Variants in DMTF1 observed in about 807,000 individuals in gnomAD.
DMTF1 encodes the protein cyclin D binding myb like transcription factor 1.
A neutral mutation model predicts 91.1 loss-of-function variants in DMTF1; 39 were observed. That is an observed-to-expected ratio of 0.43 (90% CI 0.33 to 0.56). DMTF1 has a LOEUF of 0.56. Among genes scored for constraint, DMTF1 ranks in the 20% least tolerant of loss-of-function variants. The pLI is 0.05. For missense variants in DMTF1, 750 were observed against 914.5 expected (o/e 0.82, Z 2.32); for synonymous variants, 338 against 309.5 (o/e 1.09, Z -0.97).
chr7:87,186,383 T>C (rs1798438529), intron 12 of DMTF1: 1 of 164,070 alleles, frequency 6.1e-6, no homozygotes, highest in South Asian at 1.7e-4. Context: ...GCCTCCTGAA[T>C]AGCTCGGACT....
At position 87,173,639 on chromosome 7, in the gene DMTF1, G is replaced by A. The variant is rs773374073; in HGVS notation, c.432G>A (p.Leu144=). The change falls in exon 6 of 18, where the codon CTG becomes CTA. Residue 144 remains leucine (L), a synonymous_variant. Transcript: ENST00000331242. ...CAACTAAAGAAGATAAGGATTCTCT[G>A]ACTAATAAAGGTAAGATAACACTGT... ...WFTTKEDKDS[L]TNKGHKWKQG... 2.5e-6 allele frequency: 4 copies of A among 1,603,384 alleles called. No homozygotes were observed. The Admixed American group carries it at 6.7e-5, about 27-fold the overall frequency.
intron 5 of DMTF1, among the ~76,000 whole-genome samples, chr7:87,172,205 T>G (rs1350753859): frequency 6.6e-6 from 1 of 152,192 alleles, no homozygotes; most frequent in Non-Finnish European, 1.5e-5. Flanking sequence ...ATTGTGATCT[T>G]CAGAATATAA....
At position 87,174,664 on chromosome 7, in the gene DMTF1, C is replaced by T; in HGVS notation, c.514C>T (p.Leu172Phe). Residue 172 changes from leucine (L) to phenylalanine (F), a missense_variant, in exon 7 of 18, where the codon CTT (leucine) becomes TTT (phenylalanine). Coordinates refer to ENST00000331242, the MANE Select transcript of DMTF1 (RefSeq NM_001142327.2). ...DILMNNIERY[L>F]KARGIKDATE... ...TTTGATGAACAATATTGAACGCTAT[C>T]TTAAGGTATCTTATGGCATATTTTT... The T allele has an allele frequency of 6.3e-7, 1 of 1,598,944 alleles. No homozygotes were observed. Among genetic ancestry groups the T allele is most frequent in the Non-Finnish European group, 8.5e-7 (1 of 1,170,168 alleles).
intron 1 of DMTF1, chr7:87,154,292 A>G (rs1790109208): frequency 6.6e-6 from 1 of 152,414 alleles, no homozygotes; most frequent in Non-Finnish European, 1.5e-5. Context: ...TGAAAAATAC[A>G]TTTCATGATT....
At chr7:87,184,269 C>G in intron 10 of DMTF1, 128 bp from the exon 11 acceptor site, 2 of 814,914 alleles carry the variant, frequency 2.5e-6, no homozygotes, top group South Asian at 3.6e-5. Flanking sequence ...GGTTTTCCAC[C>G]AGAGGGTCAT....
intron 13 of DMTF1, among the ~76,000 whole-genome samples, chr7:87,190,561 A>T (rs1433519656): frequency 6.6e-6 from 1 of 152,100 alleles, no homozygotes; most frequent in Non-Finnish European, 1.5e-5. Flanking sequence ...TTTTCTATAA[A>T]GGAACAGATA....
chr7:87,173,076 C>CTT (rs1197548429), intron 5 of DMTF1, among the ~76,000 whole-genome samples: 1 of 152,174 alleles, frequency 6.6e-6, no homozygotes, highest in African/African-American at 2.4e-5. Context: ...AGGCAGCAAG[C>CTT]TTATCTCTGA....
chr7:87,153,303 A>G lies in DMTF1; in HGVS notation c.-132+748A>G, dbSNP rs983266087. On this transcript the variant is annotated intron_variant, in intron 1 of 17. Coordinates refer to ENST00000331242, the MANE Select transcript of DMTF1 (RefSeq NM_001142327.2). ...GTGGAGCACGGAAAATGCGGCTGTA[A>G]AGTTGTAATTACCCTATTGTGCCGA... 2.6e-5 allele frequency among the ~76,000 whole-genome samples: 4 copies of G among 152,074 alleles called. No individual in the cohort carries two copies. In the East Asian group the frequency reaches 7.7e-4, roughly 29 times the overall value.
intron 1 of DMTF1, among the ~76,000 whole-genome samples, chr7:87,158,315 TACTC>T (rs1318266120): frequency 9.9e-5 from 15 of 152,052 alleles, no homozygotes; most frequent in Non-Finnish European, 1.5e-4. Flanking sequence ...ATTTAAATAG[TACTC>T]AGTCTTATTA....
chr7:87,175,019 T>G (rs1399678221), intron 7 of DMTF1, among the ~76,000 whole-genome samples: 2 of 150,614 alleles, frequency 1.3e-5, no homozygotes, highest in East Asian at 3.9e-4. Context: ...TTTTGTTTTG[T>G]TTTTGTTTTT....
chr7:87,194,650 T>C (rs1289807784), intron 16 of DMTF1, 34 bp from the exon 17 acceptor site: 3 of 1,518,474 alleles, frequency 2.0e-6, no homozygotes, highest in East Asian at 4.5e-5. Context: ...CTAGTAAGAA[T>C]ATGAGTCAAT....
intron 4 of DMTF1, among the ~76,000 whole-genome samples, chr7:87,169,141 A>G (rs902205437): frequency 1.3e-5 from 2 of 152,124 alleles, no homozygotes. Context: ...AGTATCACAA[A>G]CATACTGTTA....
At chr7:87,161,919 A>G (rs527262599) in intron 1 of DMTF1, among the ~76,000 whole-genome samples, 1 of 152,360 alleles carries the variant, frequency 6.6e-6, no homozygotes, top group South Asian at 2.1e-4. Context: ...GTATGATTGA[A>G]AAGTTCGAAA....
chr7:87,179,677 TATG>T lies in DMTF1; in HGVS notation c.657_659del (p.Asp220del). Reference sequence around the variant, plus strand: ...AGTTTATAGAAGAGTGCTTCGCATGTATGATGACAGAAACCATGTGGGAAAGTA... The same window carrying T: ...AGTTTATAGAAGAGTGCTTCGCATGTATGACAGAAACCATGTGGGAAAGTA... On this transcript the variant is annotated inframe_deletion, in exon 8 of 18. Coordinates refer to ENST00000331242, the MANE Select transcript of DMTF1 (RefSeq NM_001142327.2). The T allele has an allele frequency of 6.3e-7, 1 of 1,579,466 alleles. No homozygotes were observed. Among genetic ancestry groups the T allele is most frequent in the Non-Finnish European group, 8.6e-7 (1 of 1,167,934 alleles).
Position 87,173,585 on chromosome 7 carries a change from A to C in DMTF1, c.378A>C (p.Glu126Asp), listed in dbSNP as rs770060362. 2.5e-6 allele frequency: 4 copies of C among 1,611,720 alleles called. No individual in the cohort carries two copies. In the South Asian group the frequency reaches 4.4e-5, roughly 18 times the overall value. ...LDEISPLGNE[E>D]VSAVSQAWFT... ...AAATATCTCCCTTGGGTAACGAGGA[A>C]GTTTCAGCAGTTAGCCAAGCATGGT... Residue 126 changes from glutamate (E) to aspartate (D), a missense_variant, in exon 6 of 18, where the codon GAA becomes GAC. By Grantham distance (45) the Glu-to-Asp change is conservative. Transcript: ENST00000331242.
chr7:87,194,996 A>G (rs778831153), intron 17 of DMTF1, 35 bp from the exon 18 acceptor site: 38 of 1,540,074 alleles, frequency 2.5e-5, no homozygotes, highest in Admixed American at 1.2e-4. Flanking sequence ...GAGAATAAAT[A>G]TATACATTTA....
intron 1 of DMTF1, among the ~76,000 whole-genome samples, chr7:87,159,075 C>G (rs73206912): frequency 0.045 from 6,878 of 152,110 alleles, 187 homozygotes; most frequent in Middle Eastern, 0.071. Context: ...GGTTGAAATC[C>G]TGTCAACTTT....
At position 87,194,769 on chromosome 7, in the gene DMTF1, T is replaced by G; in HGVS notation, c.2114T>G (p.Phe705Cys). ...CTTATCGTTCCTTCACCACATGGCT[T>G]TATCCAGGCATCTGATGTTATAGAT... ...TILIVPSPHG[F>C]IQASDVIDTE... The change falls in exon 17 of 18, where the codon TTT (phenylalanine) becomes TGT (cysteine). Residue 705 changes from phenylalanine (F) to cysteine (C), a missense_variant. Transcript: ENST00000331242. 1 of 1,612,356 alleles carries G rather than the reference T, an allele frequency of 6.2e-7. No homozygotes were observed. Among genetic ancestry groups the G allele is most frequent in the South Asian group, 1.1e-5 (1 of 90,994 alleles).
At chr7:87,182,091 A>G in intron 9 of DMTF1, 137 bp from the exon 10 acceptor site, 2 of 1,543,310 alleles carry the variant, frequency 1.3e-6, no homozygotes, top group Non-Finnish European at 1.7e-6. Context: ...CACACTTTCA[A>G]ACTTTGGCTC....
Sources: gnomAD v4.1 joint callset for allele counts (sites outside exome capture counted in the v4.1 genomes callset) on GRCh38, gnomAD v4.1.1 for gene constraint, MANE v1.5 for transcripts, NCBI Gene and HGNC (gene_info 2026-07-23, HGNC 2026-07-21) for gene names.